Variants in KCNIP2 observed in about 807,000 individuals in gnomAD.
KCNIP2 encodes A-type potassium channel modulatory protein KCNIP2.
In KCNIP2, 19 loss-of-function variants were observed where a neutral mutation model predicts 39.0. The ratio of observed to expected loss-of-function variants is 0.49; its 90% CI spans 0.34 to 0.71. The LOEUF is 0.71. KCNIP2 is among the 30% of genes least tolerant of loss of function. The pLI is 0.01. For synonymous variants in KCNIP2, 111 were observed against 131.2 expected, an observed-to-expected ratio of 0.85 and a Z score of 1.05; for missense variants, 261 against 346.0, an observed-to-expected ratio of 0.75 and a Z score of 1.95.
intron 1 of KCNIP2, chr10:101,834,183 AAGAC>A: frequency 2.5e-6 from 1 of 398,530 alleles, no homozygotes; most frequent in Non-Finnish European, 4.4e-6. Context: ...CCCAGTCATG[AAGAC>A]AGACAAACAC....
chr10:101,829,158 G>A lies in KCNIP2; in HGVS notation c.265C>T (p.Arg89Trp). The A allele has an allele frequency of 6.2e-7, 1 of 1,614,088 alleles. No individual in the cohort carries two copies. Among genetic ancestry groups the A allele is most frequent in the Non-Finnish European group, 8.5e-7 (1 of 1,179,988 alleles). The change falls in exon 4 of 10, where the codon CGG becomes TGG. Residue 89 changes from arginine to tryptophan, a missense_variant. Physicochemically the swap from Arg to Trp is moderately radical, Grantham distance 101 (BLOSUM62 -3). Coordinates refer to ENST00000356640, the MANE Select transcript of KCNIP2 (RefSeq NM_173191.3). The part of the protein sequence containing the change: ...DEFELSTVCH[R>W]PEGLEQLQEQ... ...TGCAGCTGCTCCAGACCCTCAGGCCGGTGACACACGGTGGACAATTCAAAT... is the reference window on the plus strand; with the variant it reads ...TGCAGCTGCTCCAGACCCTCAGGCCAGTGACACACGGTGGACAATTCAAAT...
intron 1 of KCNIP2, among the ~76,000 whole-genome samples, chr10:101,839,277 T>A (rs919417543): frequency 6.6e-6 from 1 of 152,230 alleles, no homozygotes; most frequent in African/African-American, 2.4e-5. Flanking sequence ...CCATGTCATG[T>A]ATGAACTTGC....
Position 101,838,515 on chromosome 10 carries a change from C to T in KCNIP2, c.73+4981G>A, listed in dbSNP as rs1223472207. On this transcript the variant is annotated intron_variant, in intron 1 of 9. Transcript: ENST00000356640. The surrounding 1 kb of genome is among the most constrained non-coding windows in gnomAD (Gnocchi z 4.0). ...ACCATTCCCAGCTAGGCCAAAGACACTGCAGCCCCCAGCTGCATCGAGTGA... is the reference window on the plus strand; with the variant it reads ...ACCATTCCCAGCTAGGCCAAAGACATTGCAGCCCCCAGCTGCATCGAGTGA... Among the ~76,000 whole-genome samples, 1 of 152,074 alleles carries T rather than the reference C, an allele frequency of 6.6e-6. No homozygotes were observed. The highest frequency in any genetic ancestry group is 1.5e-5 in the Non-Finnish European group (1 of 68,014).
At chr10:101,831,309 G>A in intron 1 of KCNIP2, 142 bp from the exon 2 acceptor site, 4 of 678,820 alleles carry the variant, frequency 5.9e-6, no homozygotes, top group South Asian at 1.9e-5. Context: ...AATGGCAAGG[G>A]TGGTTGGAAT....
At chr10:101,837,268 A>G (rs185206211) in intron 1 of KCNIP2, among the ~76,000 whole-genome samples, 1 of 152,210 alleles carries the variant, frequency 6.6e-6, no homozygotes, top group East Asian at 1.9e-4. Flanking sequence ...GTGATAGTAT[A>G]CCCATTTTGC....
At chr10:101,830,375 C>T in intron 2 of KCNIP2, 1 of 1,279,434 alleles carries the variant, frequency 7.8e-7, no homozygotes, top group Non-Finnish European at 1.0e-6. Context: ...ATCAGGGGTC[C>T]AAAACACGGT....
At chr10:101,832,640 C>G (rs530204185) in intron 1 of KCNIP2, among the ~76,000 whole-genome samples, 19 of 152,070 alleles carry the variant, frequency 1.2e-4, no homozygotes, top group Non-Finnish European at 2.6e-4. Flanking sequence ...GCAGGGGGAT[C>G]GATGGCATTC....
Position 101,827,376 on chromosome 10 carries a change from G to A in KCNIP2, c.790C>T (p.Gln264Ter). Residue 264 changes from glutamine to a stop codon, truncating the protein, a stop_gained, in exon 10 of 10, where the codon CAG (glutamine) becomes TAG (stop). Coordinates refer to ENST00000356640, the MANE Select transcript of KCNIP2 (RefSeq NM_173191.3). LOFTEE classifies it high-confidence loss of function. ...GGCTAGATGACATTGTCAAAGAGCT[G>A]CATGGACCTCATGATGTTCTCATCC... ...QKDENIMRSM[Q>*]LFDNVI 6.2e-7 allele frequency: 1 copy of A among 1,605,842 alleles called. No individual in the cohort carries two copies. The highest frequency in any genetic ancestry group is 8.5e-7 in the Non-Finnish European group (1 of 1,173,594).
chr10:101,840,860 G>A (rs1038787109), intron 1 of KCNIP2, among the ~76,000 whole-genome samples: 4 of 152,164 alleles, frequency 2.6e-5, no homozygotes, highest in African/African-American at 9.7e-5. Flanking sequence ...CCCCCGCCCC[G>A]GCAACAATAC....
chr10:101,830,985 G>A, intron 2 of KCNIP2, 87 bp downstream of exon 2: 2 of 1,209,254 alleles, frequency 1.7e-6, no homozygotes, highest in East Asian at 5.0e-5. Flanking sequence ...CACACTCGCA[G>A]GCCTGGGGCA....
chr10:101,834,800 C>T (rs2066101734), intron 1 of KCNIP2, among the ~76,000 whole-genome samples: 2 of 152,216 alleles, frequency 1.3e-5, no homozygotes, highest in African/African-American at 2.4e-5. Context: ...ACCATCTGCA[C>T]ATGTATAAGT....
rs756028933 is a variant in KCNIP2 at position 101,827,078 on chromosome 10, A to G, written c.*275T>C. On this transcript the variant is annotated 3_prime_UTR_variant, in exon 10 of 10. Transcript: ENST00000356640. ...GGGGTAGGAGGTGGGGAACCGCTCA[A>G]TTCCTACAGGAGGGGCACTCTCAAC... The G allele has an allele frequency of 1.6e-5, 9 of 565,606 alleles. No homozygotes were observed. Among genetic ancestry groups the G allele is most frequent in the Admixed American group, 4.1e-5 (1 of 24,600 alleles). 35.0% of individuals were successfully genotyped at this position (565,606 alleles called of 1,614,324 possible).
chr10:101,843,605 G>C lies in KCNIP2; in HGVS notation c.-37C>G, dbSNP rs545580925. 4.1e-3 allele frequency: 5,438 copies of C among 1,314,144 alleles called. 52 individuals are homozygous for C. Among genetic ancestry groups the C allele is most frequent in the South Asian group, 7.0e-3 (457 of 65,286 alleles). The allele number at this position is 1,314,144 out of a possible 1,614,324, so 81.4% of individuals were successfully genotyped here. A position where few individuals can be genotyped will look rare whatever the true frequency, so the allele number is the denominator to read the frequency against. Reference sequence around the variant, plus strand: ...CCCCGCTCCCGCCCGGGCCGTGGGAGGGGGCGCCGGGTGGCCGGGATAGGG... The same window carrying C: ...CCCCGCTCCCGCCCGGGCCGTGGGACGGGGCGCCGGGTGGCCGGGATAGGG... On this transcript the variant is annotated 5_prime_UTR_variant, in exon 1 of 10. Coordinates refer to ENST00000356640, the MANE Select transcript of KCNIP2 (RefSeq NM_173191.3). The surrounding 1 kb of genome is among the most constrained non-coding windows in gnomAD (Gnocchi z 6.7).
chr10:101,837,938 ACCTGGC>A (rs1179474028), intron 1 of KCNIP2, among the ~76,000 whole-genome samples: 1 of 152,162 alleles, frequency 6.6e-6, no homozygotes, highest in South Asian at 2.1e-4. Context: ...GTTGCCCTGG[ACCTGGC>A]CCTGGCCCTG....
At chr10:101,830,027 C>T (rs2065911889) in intron 2 of KCNIP2, 130 bp from the exon 3 acceptor site, 7 of 1,057,962 alleles carry the variant, frequency 6.6e-6, no homozygotes, top group Non-Finnish European at 8.3e-6. Flanking sequence ...AGCACAGACA[C>T]ACACGAAACG....
chr10:101,830,410 T>C (rs757927324), intron 2 of KCNIP2: 34 of 1,289,152 alleles, frequency 2.6e-5, no homozygotes, highest in Middle Eastern at 2.1e-4. Flanking sequence ...CCGCACGGAG[T>C]TGAAGACACT....
chr10:101,839,858 G>T (rs1322399601), intron 1 of KCNIP2: 66 of 1,585,658 alleles, frequency 4.2e-5, no homozygotes, highest in Non-Finnish European at 5.3e-5. Flanking sequence ...CGGCGAGCTC[G>T]GCGTCTAAGC....
chr10:101,826,998 A>G lies in KCNIP2; in HGVS notation c.*355T>C, dbSNP rs1001717448. Reference sequence around the variant, plus strand: ...TCTTAGGGGAAATGTTTATGAGGTCAGGGATGGGGGAAGCACCATAGCAGG... The same window carrying G: ...TCTTAGGGGAAATGTTTATGAGGTCGGGGATGGGGGAAGCACCATAGCAGG... On this transcript the variant is annotated 3_prime_UTR_variant, in exon 10 of 10. Coordinates refer to ENST00000356640, the MANE Select transcript of KCNIP2 (RefSeq NM_173191.3). 6.9e-5 allele frequency: 14 copies of G among 203,520 alleles called. No homozygotes were observed. Among genetic ancestry groups the G allele is most frequent in the Non-Finnish European group, 1.1e-4 (11 of 101,594 alleles). 12.6% of individuals were successfully genotyped at this position (203,520 alleles called of 1,614,324 possible).
chr10:101,836,893 G>A (rs530108984), intron 1 of KCNIP2, among the ~76,000 whole-genome samples: 200 of 152,058 alleles, frequency 1.3e-3, no homozygotes, highest in African/African-American at 4.5e-3. Context: ...CCCAGGAGGT[G>A]GAGGTTGCAG....
Sources: gnomAD v4.1 joint callset for allele counts (sites outside exome capture counted in the v4.1 genomes callset) on GRCh38, gnomAD v4.1.1 for gene constraint, Gnocchi (gnomAD v3.1) non-coding constraint, MANE v1.5 for transcripts, NCBI Gene and HGNC (gene_info 2026-07-23, HGNC 2026-07-21) for gene names.